Variants in FUCA1 observed in about 807,000 individuals in gnomAD.
The protein encoded by FUCA1 is tissue alpha-L-fucosidase.
Under a neutral mutation model 56.8 loss-of-function variants are expected in FUCA1, and 52 were observed. That is an observed-to-expected ratio of 0.92 (90% CI 0.73 to 1.15). The LOEUF (loss-of-function observed/expected upper bound fraction) is 1.15. Among genes scored for constraint, FUCA1 ranks in the 50% most tolerant of loss-of-function variants. The probability of loss-of-function intolerance (pLI) is 0.00; values close to 1 mark genes in which losing one functional copy is unlikely to be tolerated. For missense variants in FUCA1, 568 were observed against 592.6 expected (o/e 0.96, Z 0.43); for synonymous variants, 230 against 226.6 (o/e 1.02, Z -0.14).
At chr1:23,852,385 G>A (rs1203382619) in intron 5 of FUCA1, among the ~76,000 whole-genome samples, 2 of 151,802 alleles carry the variant, frequency 1.3e-5, no homozygotes, top group Non-Finnish European at 2.9e-5. Flanking sequence ...TCGTGCCACT[G>A]CGCTATTGCC....
At chr1:23,851,449 C>T (rs755079352) in intron 5 of FUCA1, among the ~76,000 whole-genome samples, 25 of 152,128 alleles carry the variant, frequency 1.6e-4, no homozygotes, top group Non-Finnish European at 2.9e-4. Flanking sequence ...TGGGAAGGAC[C>T]TCTGCACAAC....
chr1:23,859,706 A>G, intron 4 of FUCA1, 92 bp downstream of exon 4: 1 of 771,854 alleles, frequency 1.3e-6, no homozygotes, highest in Admixed American at 1.9e-5. Context: ...CCTGTTTATT[A>G]TTGCTGCTGC....
At position 23,854,551 on chromosome 1, in the gene FUCA1, C is replaced by T. The variant is rs665; in HGVS notation, c.778G>A (p.Val260Ile). 548 of 1,612,522 alleles carry T rather than the reference C, an allele frequency of 3.4e-4. No homozygotes were observed. The African/African-American group carries it at 6.7e-3, about 20-fold the overall frequency. Residue 260 changes from valine (V) to isoleucine (I), a missense_variant, in exon 5 of 8, where the codon GTA becomes ATA. Coordinates refer to ENST00000374479, the MANE Select transcript of FUCA1 (RefSeq NM_000147.5). ...TTCTGACCCCATCGGTCATTTACTA[C>T]CACCTCATCCTAAGGAGGGAAAGAA... ...YNDSPVKDEV[V>I]VNDRWGQNCS...
rs1434564373 is a variant in FUCA1, at chr1:23,846,171, T to C, written c.1163A>G (p.Tyr388Cys). The C allele has an allele frequency of 6.2e-7, 1 of 1,610,984 alleles. No individual in the cohort carries two copies. The highest frequency in any genetic ancestry group is 8.5e-7 in the Non-Finnish European group (1 of 1,177,304). Reference sequence around the variant, plus strand: ...ATAAACAGCCGATCCCTTTGAGGTATACCTGGGAAAACAGAAACAACACTG... The same window carrying C: ...ATAAACAGCCGATCCCTTTGAGGTACACCTGGGAAAACAGAAACAACACTG... ...QWEKNTTSVW[Y>C]TSKGSAVYAI... The change falls in exon 7 of 8, where the codon TAT becomes TGT. Residue 388 changes from tyrosine (Y) to cysteine (C), a missense_variant and splice_region_variant. Tyr to Cys is a radical substitution (Grantham distance 194). Coordinates refer to ENST00000374479, the MANE Select transcript of FUCA1 (RefSeq NM_000147.5).
intron 5 of FUCA1, among the ~76,000 whole-genome samples, chr1:23,851,260 A>G (rs1343271160): frequency 6.6e-6 from 1 of 152,162 alleles, no homozygotes; most frequent in African/African-American, 2.4e-5. Context: ...GCTATTCGGG[A>G]GGCTGAGGCA....
In FUCA1 at chr1:23,867,710, CCAGT is replaced by C. The variant is rs1234068140; in HGVS notation, c.389+184_389+187del. ...TCCCTGAACCTTCATTTATCAGTCC[CCAGT>C]CAAACGCACCTCCTCCTCCTCATCA... is the stretch of plus-strand genomic sequence containing the variant. On this transcript the variant is annotated intron_variant, in intron 1 of 7. Transcript: ENST00000374479. This position sits in a 1 kb window ranked among gnomAD's most constrained non-coding sequence, Gnocchi z 4.9. The C allele has an allele frequency of 1.0e-6, 1 of 985,060 alleles. No individual in the cohort carries two copies. The highest frequency in any genetic ancestry group is 1.2e-6 in the Non-Finnish European group (1 of 829,724). The allele number at this position is 985,060 out of a possible 1,614,324, so 61.0% of individuals were successfully genotyped here.
Position 23,854,530 on chromosome 1 carries a change from G to A in FUCA1, c.799C>T (p.Gln267Ter). 6.2e-7 allele frequency: 1 copy of A among 1,613,954 alleles called. No homozygotes were observed. The highest frequency in any genetic ancestry group is 1.3e-5 in the African/African-American group (1 of 75,006). ...CCTCCATGGTGACAGGAACAGTTCT[G>A]ACCCCATCGGTCATTTACTACCACC... Reference protein sequence around the residue: ...DEVVVNDRWGQNCSCHHGGYY... With the variant: ...DEVVVNDRWG Residue 267 changes from glutamine to a stop codon, truncating the protein, a stop_gained, in exon 5 of 8, where the codon CAG becomes TAG. Transcript: ENST00000374479. LOFTEE classifies it high-confidence loss of function.
chr1:23,846,221 T>C, intron 6 of FUCA1, 48 bp from the exon 7 acceptor site: 1 of 1,185,026 alleles, frequency 8.4e-7, no homozygotes, highest in African/African-American at 1.5e-5. Flanking sequence ...CTTGTTATCC[T>C]GATATACAAC....
chr1:23,854,316 T>TAAA, intron 5 of FUCA1, 44 bp downstream of exon 5: 28 of 1,268,806 alleles, frequency 2.2e-5, no homozygotes, highest in Non-Finnish European at 3.0e-5. Flanking sequence ...TACTGCATGT[T>TAAA]AAAAAAAAAA....
intron 6 of FUCA1, 116 bp downstream of exon 6, chr1:23,848,530 CCTT>C (rs1212745147): frequency 4.3e-6 from 4 of 936,146 alleles, no homozygotes; most frequent in Non-Finnish European, 6.9e-6. Context: ...AGGAAAATAA[CCTT>C]CTGGATTTTC....
rs779687253 is a variant in FUCA1, at chr1:23,868,050, C to A, written c.237G>T (p.Trp79Cys). Residue 79 changes from tryptophan (W) to cysteine (C), a missense_variant, in exon 1 of 8, where the codon TGG becomes TGT. By Grantham distance (215) the Trp-to-Cys change is radical. Coordinates refer to ENST00000374479, the MANE Select transcript of FUCA1 (RefSeq NM_000147.5). ...GCGGCCGCCCCTCGCCCTGCCAGTG[C>A]CACCAGAACCACTCGCTGCCCCAGG... Reference protein sequence around the residue: ...VPAWGSEWFWWHWQGEGRPQY... With the variant: ...VPAWGSEWFWCHWQGEGRPQY... 2 of 1,611,374 alleles carry A rather than the reference C, an allele frequency of 1.2e-6. No homozygotes were observed. Among genetic ancestry groups the A allele is most frequent in the Non-Finnish European group, 1.7e-6 (2 of 1,179,416 alleles).
At chr1:23,858,194 A>G (rs911959402) in intron 4 of FUCA1, among the ~76,000 whole-genome samples, 5 of 152,078 alleles carry the variant, frequency 3.3e-5, no homozygotes, top group Non-Finnish European at 1.5e-5. Context: ...CCTCCTGAGC[A>G]GCTGGGACTA....
chr1:23,861,151 A>G (rs1639502274), intron 3 of FUCA1, among the ~76,000 whole-genome samples: 2 of 151,462 alleles, frequency 1.3e-5, no homozygotes, highest in South Asian at 2.1e-4. Flanking sequence ...GTGAAACCCC[A>G]TCTCTACTAA....
intron 5 of FUCA1, among the ~76,000 whole-genome samples, chr1:23,853,887 C>A (rs1213217914): frequency 1.3e-5 from 2 of 151,212 alleles, no homozygotes; most frequent in African/African-American, 4.9e-5. Flanking sequence ...AGAGTCATCA[C>A]CACTCCCTAA....
chr1:23,848,359 A>C (rs1237225608), intron 6 of FUCA1, among the ~76,000 whole-genome samples: 2 of 152,272 alleles, frequency 1.3e-5, no homozygotes, highest in Non-Finnish European at 2.9e-5. Flanking sequence ...GTACAATCCA[A>C]GCATTCATTA....
chr1:23,849,605 C>T (rs966614713), intron 5 of FUCA1, among the ~76,000 whole-genome samples: 18 of 101,066 alleles, frequency 1.8e-4, no homozygotes, highest in South Asian at 6.2e-4. Flanking sequence ...TTTTTTGAGA[C>T]GGACTCTTGC....
intron 6 of FUCA1, among the ~76,000 whole-genome samples, chr1:23,847,997 G>A (rs1639176866): frequency 6.6e-6 from 1 of 152,076 alleles, no homozygotes; most frequent in Non-Finnish European, 1.5e-5. Context: ...ACTCCAACCT[G>A]GGTGACAGAG....
At chr1:23,857,842 G>GT (rs1639425882) in intron 4 of FUCA1, among the ~76,000 whole-genome samples, 1 of 151,156 alleles carries the variant, frequency 6.6e-6, no homozygotes, top group African/African-American at 2.4e-5. Context: ...CCTAATTTTT[G>GT]TATTTTCAGT....
chr1:23,868,107 C>T lies in FUCA1; in HGVS notation c.180G>A (p.Val60=). The T allele has an allele frequency of 6.2e-7, 1 of 1,611,932 alleles. No individual in the cohort carries two copies. Reference sequence around the variant, plus strand: ...CCGAGAACACGCCCCAGTGGATGAACACCCCGAACTTGGCTTCGTCGAACC... The same window carrying T: ...CCGAGAACACGCCCCAGTGGATGAATACCCCGAACTTGGCTTCGTCGAACC... ...PAWFDEAKFG[V]FIHWGVFSVP... The change falls in exon 1 of 8, where the codon GTG becomes GTA. Residue 60 remains valine, a synonymous_variant. Transcript: ENST00000374479.
Sources: gnomAD v4.1 joint callset for allele counts (sites outside exome capture counted in the v4.1 genomes callset) on GRCh38, gnomAD v4.1.1 for gene constraint, Gnocchi (gnomAD v3.1) non-coding constraint, MANE v1.5 for transcripts, NCBI Gene and HGNC (gene_info 2026-07-23, HGNC 2026-07-21) for gene names.